FBLN5: variants seen among roughly 807,000 people sequenced by gnomAD.
The protein encoded by FBLN5 is fibulin 5.
In FBLN5, 24 loss-of-function variants were observed where a neutral mutation model predicts 61.6. The observed-to-expected ratio is 0.39, with a 90% CI of 0.28 to 0.55. The LOEUF is 0.55. FBLN5 is among the 20% of genes least tolerant of loss of function. The probability of loss-of-function intolerance (pLI) is 0.65; values close to 1 mark genes in which losing one functional copy is unlikely to be tolerated. For missense variants in FBLN5, 470 were observed against 594.1 expected, an observed-to-expected ratio of 0.79 and a Z score of 2.17; for synonymous variants, 213 against 219.8, an observed-to-expected ratio of 0.97 and a Z score of 0.27.
Position 91,870,359 on chromosome 14 carries a change from C to T in FBLN5, c.1212G>A (p.Leu404=), listed in dbSNP as rs753545375. 3 of 1,614,100 alleles carry T rather than the reference C, an allele frequency of 1.9e-6. No individual in the cohort carries two copies. The highest frequency in any genetic ancestry group is 1.7e-6 in the Non-Finnish European group (2 of 1,180,034). Residue 404 remains leucine, a synonymous_variant, in exon 11 of 11, where the codon CTG becomes CTA. Transcript: ENST00000342058. The stretch of plus-strand genomic sequence containing the variant: ...GCCCTTTGATGGGGCGTGTCATCAC[C>T]AGGGTGGCACTGATGGGGCCCGTTT... ...MRQTGPISAT[L]VMTRPIKGPR...
At chr14:91,905,158 C>T (rs1047632825) in intron 4 of FBLN5, among the ~76,000 whole-genome samples, 2 of 152,168 alleles carry the variant, frequency 1.3e-5, no homozygotes, top group Non-Finnish European at 2.9e-5. Context: ...GAAATACGCA[C>T]GTGCACCCTT....
chr14:91,875,038 C>G (rs1889105228), intron 10 of FBLN5, among the ~76,000 whole-genome samples: 1 of 152,098 alleles, frequency 6.6e-6, no homozygotes, highest in South Asian at 2.1e-4. Context: ...CTATGTTGCC[C>G]AGGCTGGACT....
intron 4 of FBLN5, among the ~76,000 whole-genome samples, chr14:91,932,304 G>C (rs1399539788): frequency 6.6e-6 from 1 of 152,192 alleles, no homozygotes; most frequent in Non-Finnish European, 1.5e-5. Context: ...ACACCTAGGG[G>C]CCTGTGGACT....
At chr14:91,894,859 C>A in intron 5 of FBLN5, 91 bp downstream of exon 5, 1 of 828,666 alleles carries the variant, frequency 1.2e-6, no homozygotes, top group Non-Finnish European at 1.9e-6. Flanking sequence ...AGCTTACTAC[C>A]CTCAGGCAGC....
intron 6 of FBLN5, among the ~76,000 whole-genome samples, chr14:91,889,584 C>T (rs1315451372): frequency 6.6e-6 from 1 of 152,228 alleles, no homozygotes; most frequent in Non-Finnish European, 1.5e-5. Context: ...GAGCCACAAA[C>T]ACCTGCCTGC....
At chr14:91,942,255 C>T (rs2140055064) in intron 2 of FBLN5, 1 of 449,266 alleles carries the variant, frequency 2.2e-6, no homozygotes, top group South Asian at 1.6e-5. Flanking sequence ...CACCCACCCC[C>T]TTCTTACTCC....
intron 4 of FBLN5, among the ~76,000 whole-genome samples, chr14:91,931,995 G>T (rs763835961): frequency 3.3e-5 from 5 of 152,164 alleles, no homozygotes; most frequent in Non-Finnish European, 7.4e-5. Flanking sequence ...AGAACTCTAC[G>T]TATGTGTTTG....
intron 4 of FBLN5, among the ~76,000 whole-genome samples, chr14:91,935,369 G>C (rs529648891): frequency 1.3e-5 from 2 of 152,300 alleles, no homozygotes; most frequent in South Asian, 4.1e-4. Flanking sequence ...TCTGCACCAC[G>C]ACCACCCAAG....
intron 9 of FBLN5, among the ~76,000 whole-genome samples, chr14:91,879,674 G>A (rs1194747937): frequency 2.6e-5 from 4 of 152,210 alleles, no homozygotes; most frequent in Non-Finnish European, 5.9e-5. Context: ...GGGTCAAAGA[G>A]CCCTGTTCTA....
intron 5 of FBLN5, among the ~76,000 whole-genome samples, chr14:91,891,764 A>G (rs900123421): frequency 2.0e-5 from 3 of 152,168 alleles, no homozygotes; most frequent in African/African-American, 7.2e-5. Flanking sequence ...ATTCAACTCA[A>G]AGATTCCATA....
intron 4 of FBLN5, among the ~76,000 whole-genome samples, chr14:91,922,496 G>A (rs1012463454): frequency 2.6e-5 from 4 of 152,086 alleles, no homozygotes; most frequent in Non-Finnish European, 5.9e-5. Context: ...AGGACTCATG[G>A]CAGTAACCGC....
chr14:91,884,613 A>G (rs1378988110), intron 7 of FBLN5, among the ~76,000 whole-genome samples: 1 of 152,254 alleles, frequency 6.6e-6, no homozygotes, highest in Non-Finnish European at 1.5e-5. Flanking sequence ...ACAGATAACC[A>G]GTAAGGAGGA....
intron 4 of FBLN5, among the ~76,000 whole-genome samples, chr14:91,918,483 C>T (rs891377330): frequency 6.6e-6 from 1 of 152,170 alleles, no homozygotes; most frequent in Non-Finnish European, 1.5e-5. Flanking sequence ...AAGAGTCTCT[C>T]CAAGACTGGC....
intron 10 of FBLN5, among the ~76,000 whole-genome samples, chr14:91,871,455 C>T (rs374887208): frequency 6.6e-6 from 1 of 152,158 alleles, no homozygotes; most frequent in Non-Finnish European, 1.5e-5. Context: ...TCCACTGAGT[C>T]TTTTTCTAAA....
chr14:91,896,719 A>AG (rs1222501133), intron 4 of FBLN5, among the ~76,000 whole-genome samples: 1 of 152,120 alleles, frequency 6.6e-6, no homozygotes, highest in African/African-American at 2.4e-5. Context: ...AAGCAGATTC[A>AG]GGGGGGAGCT....
intron 4 of FBLN5, among the ~76,000 whole-genome samples, chr14:91,925,962 G>A (rs1355578430): frequency 2.0e-5 from 3 of 152,132 alleles, no homozygotes; most frequent in Non-Finnish European, 4.4e-5. Context: ...GGTGAGTGCT[G>A]GGAGACTGAG....
chr14:91,921,958 A>G (rs1292586066), intron 4 of FBLN5, among the ~76,000 whole-genome samples: 6 of 152,146 alleles, frequency 3.9e-5, no homozygotes, highest in Admixed American at 3.9e-4. Flanking sequence ...CCTAAATCAC[A>G]AGCAAACTCT....
chr14:91,889,708 C>T (rs551305388), intron 6 of FBLN5, among the ~76,000 whole-genome samples: 37 of 152,344 alleles, frequency 2.4e-4, no homozygotes, highest in African/African-American at 7.7e-4. Context: ...AAAAGCTCAC[C>T]GGAGTATGCG....
At position 91,869,611 on chromosome 14, in the gene FBLN5, CAAAAT is replaced by C. The variant is rs1355991804; in HGVS notation, c.*608_*612del. ...CTACGACATATTTTTTAAAAATACT[CAAAAT>C]GAACAAGACAGAATTAAACCGTTAT... On this transcript the variant is annotated 3_prime_UTR_variant, in exon 11 of 11. Coordinates refer to ENST00000342058, the MANE Select transcript of FBLN5 (RefSeq NM_006329.4). 6.5e-6 allele frequency: 1 copy of C among 154,256 alleles called. No individual in the cohort carries two copies. Among genetic ancestry groups the C allele is most frequent in the Non-Finnish European group, 1.4e-5 (1 of 69,410 alleles). The allele number at this position is 154,256 out of a possible 1,614,324, so 9.6% of individuals were successfully genotyped here. A position where few individuals can be genotyped will look rare whatever the true frequency, so the allele number is the denominator to read the frequency against.
Sources: allele counts gnomAD v4.1 joint callset (sites outside exome capture counted in the v4.1 genomes callset), GRCh38; gene constraint gnomAD v4.1.1; transcripts MANE v1.5; gene names NCBI Gene and HGNC (gene_info 2026-07-23, HGNC 2026-07-21).